CHCHD6: variants seen among roughly 807,000 people sequenced by gnomAD.
The protein encoded by CHCHD6 is MICOS complex subunit MIC25.
A neutral mutation model predicts 32.3 loss-of-function variants in CHCHD6; 28 were observed. The observed-to-expected ratio is 0.87, with a 90% CI of 0.64 to 1.19. The LOEUF (loss-of-function observed/expected upper bound fraction) is 1.19. Ranked by LOEUF, CHCHD6 falls within the 50% of genes most tolerant of loss-of-function variation. The probability of loss-of-function intolerance (pLI) is 0.00; values close to 1 mark genes in which losing one functional copy is unlikely to be tolerated. For synonymous variants in CHCHD6, 122 were observed against 117.5 expected, an observed-to-expected ratio of 1.04 and a Z score of -0.25; for missense variants, 333 against 307.0, an observed-to-expected ratio of 1.08 and a Z score of -0.63.
intron 5 of CHCHD6, chr3:126,865,794 A>T: frequency 2.1e-6 from 2 of 936,862 alleles, no homozygotes; most frequent in South Asian, 9.9e-5. Flanking sequence ...ACTTTGCAGA[A>T]ATCCTCTCAT....
intron 4 of CHCHD6, among the ~76,000 whole-genome samples, chr3:126,847,566 C>T (rs1365315994): frequency 3.3e-5 from 5 of 152,148 alleles, no homozygotes; most frequent in Admixed American, 3.3e-4. Context: ...AATAATGAGT[C>T]TCAAGTTCCA....
At chr3:126,879,296 A>G (rs1000888152) in intron 5 of CHCHD6, among the ~76,000 whole-genome samples, 4 of 152,184 alleles carry the variant, frequency 2.6e-5, no homozygotes, top group Non-Finnish European at 5.9e-5. Context: ...GAGTTAGGAC[A>G]TGTGGGTTGG....
chr3:126,782,022 G>T (rs554720905), intron 4 of CHCHD6, among the ~76,000 whole-genome samples: 5 of 152,194 alleles, frequency 3.3e-5, no homozygotes, highest in East Asian at 1.9e-4. Flanking sequence ...AGGAGTTGGC[G>T]GGTGGGGAGA....
chr3:126,756,922 G>A (rs1001504400), intron 4 of CHCHD6, among the ~76,000 whole-genome samples: 1 of 152,166 alleles, frequency 6.6e-6, no homozygotes, highest in Non-Finnish European at 1.5e-5. Flanking sequence ...GTTAATTAAG[G>A]CAAGAATCAC....
chr3:126,736,364 G>T (rs182533359), intron 4 of CHCHD6, among the ~76,000 whole-genome samples: 5 of 152,230 alleles, frequency 3.3e-5, no homozygotes, highest in Admixed American at 1.3e-4. Flanking sequence ...TTGCATGGTC[G>T]CCAGCAGAAT....
intron 4 of CHCHD6, among the ~76,000 whole-genome samples, chr3:126,833,984 G>A (rs532104771): frequency 6.8e-6 from 1 of 147,488 alleles, no homozygotes. Flanking sequence ...AACCCGGGAG[G>A]CGGAGCTTGC....
intron 5 of CHCHD6, among the ~76,000 whole-genome samples, chr3:126,903,244 C>T (rs978675811): frequency 3.9e-5 from 6 of 152,334 alleles, no homozygotes; most frequent in Admixed American, 3.9e-4. Flanking sequence ...TCTGTTAATG[C>T]CTCCTTGGCC....
chr3:126,790,775 C>T (rs953800273), intron 4 of CHCHD6, among the ~76,000 whole-genome samples: 1 of 152,160 alleles, frequency 6.6e-6, no homozygotes, highest in Non-Finnish European at 1.5e-5. Context: ...CAAACTTCCT[C>T]CTTTAGCTCA....
chr3:126,735,128 A>T (rs1935986873), intron 4 of CHCHD6, among the ~76,000 whole-genome samples: 1 of 152,142 alleles, frequency 6.6e-6, no homozygotes, highest in South Asian at 2.1e-4. Flanking sequence ...CCTGGAGATG[A>T]CGCGTTAATC....
chr3:126,901,884 G>A (rs931576161), intron 5 of CHCHD6, among the ~76,000 whole-genome samples: 3 of 152,210 alleles, frequency 2.0e-5, no homozygotes, highest in Non-Finnish European at 2.9e-5. Context: ...GCACTGCCTG[G>A]CATTGTACTC....
intron 6 of CHCHD6, among the ~76,000 whole-genome samples, chr3:126,922,227 A>G (rs1204403798): frequency 2.0e-5 from 3 of 152,258 alleles, no homozygotes; most frequent in Admixed American, 6.5e-5. Flanking sequence ...TGGCACATGT[A>G]CTGTACCCTG....
At chr3:126,777,488 T>G (rs939301680) in intron 4 of CHCHD6, among the ~76,000 whole-genome samples, 1 of 152,172 alleles carries the variant, frequency 6.6e-6, no homozygotes, top group South Asian at 2.1e-4. Context: ...ATGCTAATCT[T>G]CAACATTGGA....
At chr3:126,808,460 A>T (rs1270349371) in intron 4 of CHCHD6, among the ~76,000 whole-genome samples, 1 of 152,118 alleles carries the variant, frequency 6.6e-6, no homozygotes, top group East Asian at 2.0e-4. Context: ...AAAACATGTT[A>T]TGGGAAGGAA....
At chr3:126,784,172 G>A (rs920827891) in intron 4 of CHCHD6, among the ~76,000 whole-genome samples, 2 of 152,092 alleles carry the variant, frequency 1.3e-5, no homozygotes, top group Non-Finnish European at 2.9e-5. Flanking sequence ...CCGCCTCATG[G>A]TTTTCTTTTC....
chr3:126,790,184 G>A (rs1456394771), intron 4 of CHCHD6, among the ~76,000 whole-genome samples: 7 of 152,256 alleles, frequency 4.6e-5, no homozygotes, highest in Middle Eastern at 3.4e-3. Flanking sequence ...AGTTTCTGCT[G>A]AGAGATCAGC....
intron 4 of CHCHD6, among the ~76,000 whole-genome samples, chr3:126,803,400 G>T (rs1190678232): frequency 6.6e-6 from 1 of 152,072 alleles, no homozygotes; most frequent in Non-Finnish European, 1.5e-5. Context: ...ACAAAAAAAG[G>T]CAGGGGTTGC....
intron 6 of CHCHD6, among the ~76,000 whole-genome samples, chr3:126,927,558 G>C (rs2078342959): frequency 6.6e-6 from 1 of 152,194 alleles, no homozygotes; most frequent in Non-Finnish European, 1.5e-5. Flanking sequence ...ACTGGGCTTA[G>C]AGACTACAAT....
intron 4 of CHCHD6, among the ~76,000 whole-genome samples, chr3:126,734,712 T>C (rs1935962373): frequency 6.6e-6 from 1 of 152,200 alleles, no homozygotes. Context: ...TATAAGCTGC[T>C]GGTGGATCAG....
At position 126,945,761 on chromosome 3, in the gene CHCHD6, G is replaced by A. The variant is rs796325866; in HGVS notation, c.567-11655G>A. ...GAGACTCGGGGGGAGACTTGAGTGGGGAGACTCGAGCGGGGACACTCAGGG... is the reference window on the plus strand; with the variant it reads ...GAGACTCGGGGGGAGACTTGAGTGGAGAGACTCGAGCGGGGACACTCAGGG... On this transcript the variant is annotated intron_variant, in intron 6 of 7. Transcript: ENST00000290913. Among the ~76,000 whole-genome samples, 18 of 150,782 alleles carry A rather than the reference G, an allele frequency of 1.2e-4. 1 individual carries two copies. The highest frequency in any genetic ancestry group is 4.4e-4 in the African/African-American group (18 of 41,000).
Sources: gnomAD v4.1 joint callset for allele counts (sites outside exome capture counted in the v4.1 genomes callset) on GRCh38, gnomAD v4.1.1 for gene constraint, MANE v1.5 for transcripts, NCBI Gene and HGNC (gene_info 2026-07-23, HGNC 2026-07-21) for gene names.